Variants in NUDCD3 observed in about 807,000 individuals in gnomAD.
NUDCD3 encodes the protein NudC domain containing 3.
A neutral mutation model predicts 39.7 loss-of-function variants in NUDCD3; 13 were observed. The observed-to-expected ratio is 0.33, with a 90% confidence interval of 0.21 to 0.52. NUDCD3 has a LOEUF of 0.52. Ranked by LOEUF, NUDCD3 falls within the 20% of genes least tolerant of loss-of-function variation. The pLI, the probability that NUDCD3 is intolerant of heterozygous loss-of-function variation, is 0.96. For missense variants in NUDCD3, 453 were observed against 458.1 expected (o/e 0.99, Z 0.10); for synonymous variants, 175 against 172.4 (o/e 1.02, Z -0.12).
intron 2 of NUDCD3, among the ~76,000 whole-genome samples, chr7:44,456,732 C>T (rs574485178): frequency 1.1e-4 from 17 of 150,308 alleles, no homozygotes; most frequent in African/African-American, 3.7e-4. Flanking sequence ...ATACAGCCTG[C>T]GTGATAGAGC....
chr7:44,414,143 A>G (rs1330807272), intron 3 of NUDCD3, among the ~76,000 whole-genome samples: 2 of 152,252 alleles, frequency 1.3e-5, no homozygotes, highest in South Asian at 2.1e-4. Context: ...CGCAAAATGA[A>G]GTTTATTAAA....
At chr7:44,469,125 A>C (rs1800198057) in intron 2 of NUDCD3, among the ~76,000 whole-genome samples, 1 of 148,184 alleles carries the variant, frequency 6.7e-6, no homozygotes, top group Non-Finnish European at 1.5e-5. Flanking sequence ...CAAAAAAAAA[A>C]AAAAAAAAAA....
chr7:44,450,274 G>A (rs926767020), intron 2 of NUDCD3, among the ~76,000 whole-genome samples: 6 of 151,684 alleles, frequency 4.0e-5, no homozygotes, highest in African/African-American at 1.5e-4. Flanking sequence ...ACCTCCTGGG[G>A]TCAAGAGATT....
intron 4 of NUDCD3, among the ~76,000 whole-genome samples, chr7:44,404,057 T>A (rs1798772785): frequency 6.6e-6 from 1 of 152,214 alleles, no homozygotes; most frequent in African/African-American, 2.4e-5. Flanking sequence ...TCCTGAACTC[T>A]TAGCTATGCC....
intron 4 of NUDCD3, among the ~76,000 whole-genome samples, chr7:44,398,667 C>G (rs551578561): frequency 1.1e-4 from 17 of 152,230 alleles, no homozygotes; most frequent in Admixed American, 5.2e-4. Flanking sequence ...AGTAACGGAA[C>G]CTCATTTCTA....
At chr7:44,405,296 C>T (rs1798797820) in intron 3 of NUDCD3, among the ~76,000 whole-genome samples, 1 of 152,262 alleles carries the variant, frequency 6.6e-6, no homozygotes, top group African/African-American at 2.4e-5. Context: ...GCCCCATGGC[C>T]TTCCCCACCG....
At position 44,490,658 on chromosome 7, in the gene NUDCD3, T is replaced by A. The variant is rs776974888; in HGVS notation, c.-58A>T. ...ACAGCGCCGCCTCAGACCTGCCGACTGGCCACTTCCGGCGTCCGCAGCCAA... is the reference window on the plus strand; with the variant it reads ...ACAGCGCCGCCTCAGACCTGCCGACAGGCCACTTCCGGCGTCCGCAGCCAA... On this transcript the variant is annotated 5_prime_UTR_variant, in exon 1 of 6. Coordinates refer to ENST00000355451, the MANE Select transcript of NUDCD3 (RefSeq NM_015332.4). 2 of 1,501,878 alleles carry A rather than the reference T, an allele frequency of 1.3e-6. No individual in the cohort carries two copies. The highest frequency in any genetic ancestry group is 5.2e-5 in the East Asian group (2 of 38,758). The allele number at this position is 1,501,878 out of a possible 1,614,324, so 93.0% of individuals were successfully genotyped here. A position where few individuals can be genotyped will look rare whatever the true frequency, so the allele number is the denominator to read the frequency against.
intron 3 of NUDCD3, among the ~76,000 whole-genome samples, chr7:44,418,469 G>C (rs1336884168): frequency 6.6e-6 from 1 of 152,216 alleles, no homozygotes; most frequent in East Asian, 1.9e-4. Flanking sequence ...CATTCATGCA[G>C]CTATTCATTC....
At position 44,385,986 on chromosome 7, in the gene NUDCD3, C is replaced by T. The variant is rs767605545; in HGVS notation, c.*25G>A. The T allele has an allele frequency of 3.3e-6, 4 of 1,195,096 alleles. No individual in the cohort carries two copies. Among genetic ancestry groups the T allele is most frequent in the South Asian group, 1.2e-5 (1 of 82,764 alleles). 74.0% of individuals were successfully genotyped at this position (1,195,096 alleles called of 1,614,324 possible). A position where few individuals can be genotyped will look rare whatever the true frequency, so the allele number is the denominator to read the frequency against. On this transcript the variant is annotated 3_prime_UTR_variant, in exon 6 of 6. Transcript: ENST00000355451. ...GGATAAGGCTCTGCCTCCCCACCGGCGAGGGTTTCCTTTCCTTCTGGTCAT... is the reference window on the plus strand; with the variant it reads ...GGATAAGGCTCTGCCTCCCCACCGGTGAGGGTTTCCTTTCCTTCTGGTCAT...
intron 5 of NUDCD3, among the ~76,000 whole-genome samples, chr7:44,387,196 C>T (rs1798416372): frequency 6.6e-6 from 1 of 152,154 alleles, no homozygotes; most frequent in Non-Finnish European, 1.5e-5. Flanking sequence ...GGGTCTCACT[C>T]TGTTTCCAAG....
intron 3 of NUDCD3, chr7:44,413,155 A>T (rs140472208): frequency 3.9e-5 from 6 of 152,060 alleles, no homozygotes; most frequent in African/African-American, 1.4e-4. Flanking sequence ...AATACATAAA[A>T]ATTAGTAAGG....
intron 2 of NUDCD3, among the ~76,000 whole-genome samples, chr7:44,466,075 G>A (rs1407461712): frequency 6.6e-6 from 1 of 152,130 alleles, no homozygotes; most frequent in Non-Finnish European, 1.5e-5. Context: ...CATCTCAGTG[G>A]TATAAGCCAG....
chr7:44,395,033 A>G (rs1224469344), intron 4 of NUDCD3, among the ~76,000 whole-genome samples: 4 of 152,230 alleles, frequency 2.6e-5, no homozygotes. Flanking sequence ...CCCAACAAAA[A>G]TTAAGATGAG....
intron 1 of NUDCD3, among the ~76,000 whole-genome samples, chr7:44,488,338 GAA>G (rs368893785): frequency 0.18 from 19,174 of 107,922 alleles, 1,507 homozygotes; most frequent in Non-Finnish European, 0.23. Flanking sequence ...CCATCTCCAG[GAA>G]AAAAAAAAAA....
chr7:44,407,650 A>C (rs1798854251), intron 3 of NUDCD3, among the ~76,000 whole-genome samples: 1 of 152,042 alleles, frequency 6.6e-6, no homozygotes, highest in Non-Finnish European at 1.5e-5. Context: ...TTAAAAAAAA[A>C]TACAGAGCTA....
rs1239529803 is a variant in NUDCD3 at position 44,382,405 on chromosome 7, G to A, written c.*3606C>T. 6.6e-6 allele frequency: 1 copy of A among 152,164 alleles called. No homozygotes were observed. Among genetic ancestry groups the A allele is most frequent in the Admixed American group, 6.5e-5 (1 of 15,278 alleles). 9.4% of individuals were successfully genotyped at this position (152,164 alleles called of 1,614,324 possible). A position where few individuals can be genotyped will look rare whatever the true frequency, so the allele number is the denominator to read the frequency against. ...GTGAGTAGTTTAGTCTGAAATGACA[G>A]AATATTCATTTTTCGTCTCTCTGAG... On this transcript the variant is annotated 3_prime_UTR_variant, in exon 6 of 6. Coordinates refer to ENST00000355451, the MANE Select transcript of NUDCD3 (RefSeq NM_015332.4).
chr7:44,410,663 C>CAA (rs1283655107), intron 3 of NUDCD3, among the ~76,000 whole-genome samples: 2 of 111,248 alleles, frequency 1.8e-5, no homozygotes, highest in Admixed American at 9.6e-5. Context: ...GACTCTGTCT[C>CAA]AAAAAAAAAA....
chr7:44,404,733 A>T, intron 3 of NUDCD3, 150 bp from the exon 4 acceptor site: 1 of 728,920 alleles, frequency 1.4e-6, no homozygotes, highest in Non-Finnish European at 2.2e-6. Flanking sequence ...AGAAAACCAT[A>T]CCAGCCTAAT....
chr7:44,407,566 C>CAAAAAAAAAAAAAAAAAAAAAAAAAAAA (rs758475229), intron 3 of NUDCD3, among the ~76,000 whole-genome samples: 1 of 48,380 alleles, frequency 2.1e-5, no homozygotes, highest in Non-Finnish European at 4.4e-5. Flanking sequence ...AATTCTGTCT[C>CAAAAAAAAAAAAAAAAAAAAAAAAAAAA]AAAAAAAAAA....
Sources: gnomAD v4.1 joint callset for allele counts (sites outside exome capture counted in the v4.1 genomes callset) on GRCh38, gnomAD v4.1.1 for gene constraint, MANE v1.5 for transcripts, NCBI Gene and HGNC (gene_info 2026-07-23, HGNC 2026-07-21) for gene names.